Variants in MYBPC3 observed in about 807,000 individuals in gnomAD.
MYBPC3 encodes myosin binding protein C3, also known as myosin-binding protein C, cardiac-type.
MYBPC3 carries 108 observed loss-of-function variants against 159.3 expected under a neutral mutation model. That is an observed-to-expected ratio of 0.68 (90% CI 0.58 to 0.80). The LOEUF is 0.80. MYBPC3 is among the 30% of genes least tolerant of loss of function. MYBPC3 has a pLI of 0.00. For missense variants in MYBPC3, 1,631 were observed against 1,762.1 expected, an observed-to-expected ratio of 0.93 and a Z score of 1.33; for synonymous variants, 730 against 702.0, an observed-to-expected ratio of 1.04 and a Z score of -0.63.
At chr11:47,331,968 C>G in intron 33 of MYBPC3, 87 bp from the exon 34 acceptor site, 1 of 1,592,612 alleles carries the variant, frequency 6.3e-7, no homozygotes, top group African/African-American at 1.3e-5. Flanking sequence ...CGTGCCCTTG[C>G]AGCCAGGGCA....
In MYBPC3 at chr11:47,351,384, G is replaced by T. The variant is rs774273586; in HGVS notation, c.147C>A (p.Ile49=). The change falls in exon 2 of 35, where the codon ATC becomes ATA. Residue 49 remains isoleucine (I), a synonymous_variant. Coordinates refer to ENST00000545968, the MANE Select transcript of MYBPC3 (RefSeq NM_000256.3). The surrounding 1 kb of genome is among the most constrained non-coding windows in gnomAD (Gnocchi z 4.2). ...KVRWQRGGSD[I]SASNKYGLAT... Reference sequence around the variant, plus strand: ...CCAGGCCGTACTTGTTGCTGGCGCTGATGTCACTGCCTCCGCGCTGCCAGC... The same window carrying T: ...CCAGGCCGTACTTGTTGCTGGCGCTTATGTCACTGCCTCCGCGCTGCCAGC... 1.2e-6 allele frequency: 2 copies of T among 1,609,358 alleles called. No homozygotes were observed. The highest frequency in any genetic ancestry group is 1.7e-6 in the Non-Finnish European group (2 of 1,178,284).
In MYBPC3 at chr11:47,351,189, G is replaced by GGGGCCC; in HGVS notation, c.292+49_292+50insGGGCCC. 8 of 1,449,048 alleles carry GGGGCCC rather than the reference G, an allele frequency of 5.5e-6. No homozygotes were observed. Among genetic ancestry groups the GGGGCCC allele is most frequent in the Non-Finnish European group, 7.4e-6 (8 of 1,087,808 alleles). 89.8% of individuals were successfully genotyped at this position (1,449,048 alleles called of 1,614,324 possible). A position where few individuals can be genotyped will look rare whatever the true frequency, so the allele number is the denominator to read the frequency against. ...TGGATGGATGGAGAGTCGCTGGGCT[G>GGGGCCC]CCCCTCCCCCAGCAGCCCAAACCTC... On this transcript the variant is annotated intron_variant, in intron 2 of 34. Transcript: ENST00000545968. This position sits in a 1 kb window ranked among gnomAD's most constrained non-coding sequence, Gnocchi z 4.2.
chr11:47,335,606 C>T (rs888737802), intron 26 of MYBPC3: 12 of 357,074 alleles, frequency 3.4e-5, no homozygotes, highest in African/African-American at 1.5e-4. Flanking sequence ...GGATTACAGG[C>T]GTAAGCCATC....
chr11:47,343,744 G>A (rs1044802101), intron 12 of MYBPC3, 120 bp from the exon 13 acceptor site: 72 of 925,436 alleles, frequency 7.8e-5, no homozygotes, highest in Non-Finnish European at 1.0e-4. Flanking sequence ...GTGCCGCCCC[G>A]CTTCCACTTC....
At position 47,338,666 on chromosome 11, in the gene MYBPC3, G is replaced by T. The variant is rs1293844338; in HGVS notation, c.2162C>A (p.Thr721Asn). 1 of 1,612,358 alleles carries T rather than the reference G, an allele frequency of 6.2e-7. No homozygotes were observed. The highest frequency in any genetic ancestry group is 8.5e-7 in the Non-Finnish European group (1 of 1,179,132). ...WVFDKKLLCE[T>N]EGRVRVETTK... ...GGTCTCCACGCGGACCCGGCCCTCG[G>T]TCTCACACAGCAGCTGGGGGGGTGC... The change falls in exon 23 of 35, where the codon ACC (threonine) becomes AAC (asparagine). Residue 721 changes from threonine (T) to asparagine (N), a missense_variant. Physicochemically the swap from Thr to Asn is moderately conservative, Grantham distance 65 (BLOSUM62 0). Coordinates refer to ENST00000545968, the MANE Select transcript of MYBPC3 (RefSeq NM_000256.3). This position sits in a 1 kb window ranked among gnomAD's most constrained non-coding sequence, Gnocchi z 4.7.
At position 47,346,225 on chromosome 11, in the gene MYBPC3, C is replaced by T. The variant is rs746267533; in HGVS notation, c.1072G>A (p.Asp358Asn). ...MLKRLKGMRR[D>N]EKKSTAFQKK... ...GGCTAACCTGTGCTCTTCTTCTCAT[C>T]GCGCCTCATGCCCTTGAGCCTCTTT... Residue 358 changes from aspartate to asparagine, a missense_variant, in exon 12 of 35, where the codon GAT becomes AAT. Coordinates refer to ENST00000545968, the MANE Select transcript of MYBPC3 (RefSeq NM_000256.3). This position sits in a 1 kb window ranked among gnomAD's most constrained non-coding sequence, Gnocchi z 5.3. 104 of 1,613,802 alleles carry T rather than the reference C, an allele frequency of 6.4e-5. No individual in the cohort carries two copies. The highest frequency in any genetic ancestry group is 7.8e-5 in the Non-Finnish European group (92 of 1,179,852).
Position 47,338,331 on chromosome 11 carries a change from T to A in MYBPC3, c.2308+189A>T, listed in dbSNP as rs1402296628. 2.0e-5 allele frequency among the ~76,000 whole-genome samples: 3 copies of A among 152,218 alleles called. No individual in the cohort carries two copies. Among genetic ancestry groups the A allele is most frequent in the Non-Finnish European group, 4.4e-5 (3 of 68,040 alleles). The stretch of plus-strand genomic sequence containing the variant: ...TCATGTACAGCAGTGTCGCAGGAAA[T>A]CTGCTGGATGCATCTGCCTCCATCT... On this transcript the variant is annotated intron_variant, in intron 23 of 34. Transcript: ENST00000545968. The surrounding 1 kb of genome is among the most constrained non-coding windows in gnomAD (Gnocchi z 4.7).
intron 25 of MYBPC3, 101 bp downstream of exon 25, chr11:47,337,290 G>A: frequency 7.9e-7 from 1 of 1,258,964 alleles, no homozygotes; most frequent in East Asian, 2.4e-5. Context: ...GGAGACTGTG[G>A]ATGTGAGTGT....
chr11:47,342,549 G>T, intron 17 of MYBPC3, 29 bp downstream of exon 17: 1 of 1,540,098 alleles, frequency 6.5e-7, no homozygotes, highest in East Asian at 2.3e-5. Context: ...AAGCCCTAAA[G>T]CCTCATGTGC....
At chr11:47,350,660 G>T in intron 2 of MYBPC3, 45 bp from the exon 3 acceptor site, 1 of 1,430,162 alleles carries the variant, frequency 7.0e-7, no homozygotes, top group Non-Finnish European at 9.1e-7. Context: ...ACTAACCAGA[G>T]ACCCCTCCAC....
rs761999444 is a variant in MYBPC3, at chr11:47,341,079, C to G, written c.1898-47G>C. On this transcript the variant is annotated intron_variant, in intron 19 of 34. Coordinates refer to ENST00000545968, the MANE Select transcript of MYBPC3 (RefSeq NM_000256.3). ...GTAGCACGGGGGCAAAGGCAGGGCC[C>G]AGTGACAGGGGCTCCTGGCCCCACT... 5.7e-6 allele frequency: 9 copies of G among 1,569,692 alleles called. No homozygotes were observed. In the South Asian group the frequency reaches 1.1e-4, roughly 18 times the overall value.
intron 26 of MYBPC3, 156 bp downstream of exon 26, chr11:47,335,720 GC>G: frequency 1.6e-6 from 1 of 624,898 alleles, no homozygotes; most frequent in Non-Finnish European, 2.5e-6. Flanking sequence ...CACTAGGCAA[GC>G]TTTTTTACTT....
chr11:47,347,127 T>C, intron 9 of MYBPC3, 98 bp from the exon 10 acceptor site: 1 of 1,323,250 alleles, frequency 7.6e-7, no homozygotes, highest in Non-Finnish European at 1.0e-6. Flanking sequence ...TGGTAGACCC[T>C]GCAGCTCTGG....
At position 47,350,581 on chromosome 11, in the gene MYBPC3, G is replaced by T; in HGVS notation, c.327C>A (p.Ala109=). 2 of 1,523,724 alleles carry T rather than the reference G, an allele frequency of 1.3e-6. No homozygotes were observed. Among genetic ancestry groups the T allele is most frequent in the South Asian group, 1.3e-5 (1 of 78,550 alleles). 94.4% of individuals were successfully genotyped at this position (1,523,724 alleles called of 1,614,324 possible). ...CAGGGGCTCCAGTGGCCTCAGCAGG[G>T]GCAGGGGCAGGGGCCAGCATGGGCT... is the stretch of plus-strand genomic sequence containing the variant. ...KAEPMLAPAP[A]PAEATGAPGE... The change falls in exon 3 of 35, where the codon GCC becomes GCA. Residue 109 remains alanine, a synonymous_variant. Coordinates refer to ENST00000545968, the MANE Select transcript of MYBPC3 (RefSeq NM_000256.3).
intron 18 of MYBPC3, 108 bp downstream of exon 18, chr11:47,341,883 G>C (rs906614178): frequency 2.8e-6 from 4 of 1,413,900 alleles, no homozygotes; most frequent in Non-Finnish European, 3.8e-6. Flanking sequence ...CTGTGCATCT[G>C]CCTCTCTGTC....
intron 25 of MYBPC3, 85 bp from the exon 26 acceptor site, chr11:47,336,096 G>T: frequency 7.9e-7 from 1 of 1,258,450 alleles, no homozygotes; most frequent in Non-Finnish European, 1.0e-6. Context: ...CTGCCCACTG[G>T]TCACATAGGG....
At position 47,346,182 on chromosome 11, in the gene MYBPC3, C is replaced by T; in HGVS notation, c.1090+25G>A. The T allele has an allele frequency of 6.2e-7, 1 of 1,613,098 alleles. No homozygotes were observed. Among genetic ancestry groups the T allele is most frequent in the Non-Finnish European group, 8.5e-7 (1 of 1,179,652 alleles). ...GGGAAGGGCTAGCCTGTGCCCTCTC[C>T]TCTCCCCTCTGAGGAAGGGCTAACC... On this transcript the variant is annotated intron_variant, in intron 12 of 34. Transcript: ENST00000545968. This position sits in a 1 kb window ranked among gnomAD's most constrained non-coding sequence, Gnocchi z 5.3.
At chr11:47,337,326 T>A (rs1032068585) in intron 25 of MYBPC3, 65 bp downstream of exon 25, 1 of 1,483,982 alleles carries the variant, frequency 6.7e-7, no homozygotes, top group Non-Finnish European at 9.0e-7. Context: ...GCAGAGCACC[T>A]GCTATTATTG....
rs1490331699 is a variant in MYBPC3, at chr11:47,346,692, G to A, written c.909-48C>T. 1.3e-6 allele frequency: 2 copies of A among 1,565,586 alleles called. No individual in the cohort carries two copies. The highest frequency in any genetic ancestry group is 1.7e-6 in the Non-Finnish European group (2 of 1,154,600). On this transcript the variant is annotated intron_variant, in intron 10 of 34. Coordinates refer to ENST00000545968, the MANE Select transcript of MYBPC3 (RefSeq NM_000256.3). The surrounding 1 kb of genome is among the most constrained non-coding windows in gnomAD (Gnocchi z 5.3). The stretch of plus-strand genomic sequence containing the variant: ...AGAAAGGGTAGGTGGCACATGAGAG[G>A]TATGGCCACCTTCCCTCAAAGACCT...
Sources: gnomAD v4.1 joint callset for allele counts (sites outside exome capture counted in the v4.1 genomes callset) on GRCh38, gnomAD v4.1.1 for gene constraint, Gnocchi (gnomAD v3.1) non-coding constraint, MANE v1.5 for transcripts, NCBI Gene and HGNC (gene_info 2026-07-23, HGNC 2026-07-21) for gene names.